BRCA2: variants seen among roughly 807,000 people sequenced by gnomAD.
BRCA2 encodes BRCA2 DNA repair associated.
In BRCA2, 203 loss-of-function variants were observed where a neutral mutation model predicts 276.7. That is an observed-to-expected ratio of 0.73 (90% confidence interval 0.65 to 0.82). The LOEUF (loss-of-function observed/expected upper bound fraction) is 0.82, where lower values mean the gene tolerates loss of function less well. Among genes scored for constraint, BRCA2 ranks in the 40% least tolerant of loss-of-function variants. The probability of loss-of-function intolerance (pLI) is 0.00; values close to 1 mark genes in which losing one functional copy is unlikely to be tolerated. For missense variants in BRCA2, 3,920 were observed against 3,915.0 expected (o/e 1.00, Z -0.03); for synonymous variants, 1,289 against 1,338.4 (o/e 0.96, Z 0.81).
At chr13:32,342,157 C>T (rs1390016310) in intron 11 of BRCA2, among the ~76,000 whole-genome samples, 2 of 151,496 alleles carry the variant, frequency 1.3e-5, no homozygotes, top group African/African-American at 4.9e-5. Context: ...CCTATAATCC[C>T]AACTACTCCA....
Position 32,376,180 on chromosome 13 carries a change from A to G in BRCA2, c.8633-490A>G, listed in dbSNP as rs1236250353. Among the ~76,000 whole-genome samples, 3 of 150,592 alleles carry G rather than the reference A, an allele frequency of 2.0e-5. No homozygotes were observed. In the South Asian group the frequency reaches 6.2e-4, roughly 31 times the overall value. On this transcript the variant is annotated intron_variant, in intron 20 of 26. Transcript: ENST00000380152. ...TATTACTGTAATTAAACTCTGTATG[A>G]CTTTTTTTTTTTTTAAACATGAGTA...
rs539049406 is a variant in BRCA2, at chr13:32,366,863, A to G, written c.8331+3330A>G. On this transcript the variant is annotated intron_variant, in intron 18 of 26. Transcript: ENST00000380152. ...ATGCTTATTGGTTTCATCTATCAAA[A>G]AGAACAAAAAAAAAAAAAAAAGGAA... Among the ~76,000 whole-genome samples the G allele has an allele frequency of 4.3e-3, 546 of 128,198 alleles. 2 individuals carry two copies. Among genetic ancestry groups the G allele is most frequent in the African/African-American group, 0.014 (530 of 36,610 alleles). The allele number at this position is 128,198 out of a possible 152,430, so 84.1% of individuals were successfully genotyped here.
At chr13:32,372,719 A>ACATTTCAAAACCAAT (rs1364244030) in intron 20 of BRCA2, among the ~76,000 whole-genome samples, 2 of 152,142 alleles carry the variant, frequency 1.3e-5, no homozygotes, top group Non-Finnish European at 2.9e-5. Context: ...TGTCCTTTTC[A>ACATTTCAAAACCAAT]CATTTCAAAA....
In BRCA2 at chr13:32,339,336, T is replaced by C. The variant is rs730881535; in HGVS notation, c.4981T>C (p.Tyr1661His). 1 of 1,592,550 alleles carries C rather than the reference T, an allele frequency of 6.3e-7. No homozygotes were observed. The highest frequency in any genetic ancestry group is 8.5e-7 in the Non-Finnish European group (1 of 1,171,196). ...AACTTGTTACACAAATCAGTCCCCTTATTCAGTCATTGAAAATTCAGCCTT... is the reference window on the plus strand; with the variant it reads ...AACTTGTTACACAAATCAGTCCCCTCATTCAGTCATTGAAAATTCAGCCTT... ...PATCYTNQSP[Y>H]SVIENSALAF... The change falls in exon 11 of 27, where the codon TAT (tyrosine) becomes CAT (histidine). Residue 1661 changes from tyrosine (Y) to histidine (H), a missense_variant. Tyr to His is a moderately conservative substitution (Grantham distance 83). This residue lies in a region of BRCA2 where 3,263 missense variants were observed against 3,156.9 expected (regional missense o/e 1.03). Transcript: ENST00000380152.
At chr13:32,325,999 C>A in intron 4 of BRCA2, 102 bp from the exon 5 acceptor site, 1 of 1,035,924 alleles carries the variant, frequency 9.7e-7, no homozygotes, top group Non-Finnish European at 1.4e-6. Flanking sequence ...AAGTAGTATT[C>A]CAACAATTTA....
At chr13:32,377,201 G>T (rs191837769) in intron 21 of BRCA2, among the ~76,000 whole-genome samples, 44 of 152,186 alleles carry the variant, frequency 2.9e-4, no homozygotes, top group Non-Finnish European at 5.1e-4. Flanking sequence ...CTACCCTAAG[G>T]GTACTTGGGT....
rs2072351882 is a variant in BRCA2 at position 32,326,645 on chromosome 13, G to T, written c.631+32G>T. The T allele has an allele frequency of 4.7e-6, 7 of 1,483,298 alleles. No homozygotes were observed. In the Middle Eastern group the frequency reaches 6.9e-4, roughly 147 times the overall value. The allele number at this position is 1,483,298 out of a possible 1,614,324, so 91.9% of individuals were successfully genotyped here. A position where few individuals can be genotyped will look rare whatever the true frequency, so the allele number is the denominator to read the frequency against. ...ATAGCAAATGTGTATTTACAAGAAA[G>T]AGCAGATGAGGTTGATAATTGTCAT... On this transcript the variant is annotated intron_variant, in intron 7 of 26. Transcript: ENST00000380152.
At chr13:32,377,297 CA>C (rs1197884594) in intron 21 of BRCA2, among the ~76,000 whole-genome samples, 3 of 152,008 alleles carry the variant, frequency 2.0e-5, no homozygotes, top group Non-Finnish European at 4.4e-5. Context: ...AAGTAAATGA[CA>C]ATAAAATAGC....
intron 18 of BRCA2, 42 bp from the exon 19 acceptor site, chr13:32,370,360 C>G (rs2072817951): frequency 6.4e-7 from 1 of 1,554,102 alleles, no homozygotes; most frequent in Non-Finnish European, 8.9e-7. Context: ...GAATTGAATA[C>G]ATATTTAACT....
chr13:32,363,577 G>A (rs2072762087), intron 18 of BRCA2, 44 bp downstream of exon 18: 1 of 1,538,314 alleles, frequency 6.5e-7, no homozygotes, highest in Admixed American at 1.7e-5. Flanking sequence ...CATTGATTCA[G>A]TTAAATTCTA....
chr13:32,360,121 G>A (rs551577387), intron 16 of BRCA2, among the ~76,000 whole-genome samples: 1 of 152,174 alleles, frequency 6.6e-6, no homozygotes, highest in Non-Finnish European at 1.5e-5. Context: ...TTTGATAAAT[G>A]ACCTAAAGTA....
At chr13:32,384,787 T>C in intron 24 of BRCA2, 1 of 267,094 alleles carries the variant, frequency 3.7e-6, no homozygotes, top group Non-Finnish European at 8.0e-6. Flanking sequence ...TTGGACCAGA[T>C]TGGGTTTCTA....
chr13:32,350,752 CAAAAA>C (rs544935490), intron 13 of BRCA2, among the ~76,000 whole-genome samples: 8 of 140,800 alleles, frequency 5.7e-5, no homozygotes, highest in Non-Finnish European at 1.2e-4. Context: ...GACTCCGTCT[CAAAAA>C]AAAAACAACA....
At chr13:32,350,461 C>T (rs2072640649) in intron 13 of BRCA2, among the ~76,000 whole-genome samples, 1 of 151,934 alleles carries the variant, frequency 6.6e-6, no homozygotes, top group African/African-American at 2.4e-5. Flanking sequence ...ATATACTACC[C>T]ATTAATGGCC....
intron 24 of BRCA2, among the ~76,000 whole-genome samples, chr13:32,382,481 C>T (rs929502234): frequency 6.6e-5 from 10 of 152,210 alleles, no homozygotes; most frequent in African/African-American, 2.2e-4. Flanking sequence ...AAAGAATTGT[C>T]GAGTAGTGAG....
intron 20 of BRCA2, among the ~76,000 whole-genome samples, chr13:32,375,082 C>CCATCAGATCT (rs2072862122): frequency 6.6e-6 from 1 of 152,180 alleles, no homozygotes. Context: ...CACTTTTAAG[C>CCATCAGATCT]CATCAGATCT....
intron 12 of BRCA2, among the ~76,000 whole-genome samples, chr13:32,345,014 G>C (rs370890261): frequency 3.7e-4 from 57 of 152,150 alleles, no homozygotes; most frequent in Non-Finnish European, 6.8e-4. Context: ...TGCCATTACC[G>C]ATCAGAAAAG....
At chr13:32,322,749 G>A (rs2072315065) in intron 3 of BRCA2, among the ~76,000 whole-genome samples, 1 of 152,210 alleles carries the variant, frequency 6.6e-6, no homozygotes, top group Non-Finnish European at 1.5e-5. Flanking sequence ...GTTCTTCCAT[G>A]TCTTTTAATG....
rs1555282154 is a variant in BRCA2 at position 32,333,383 on chromosome 13, T to A, written c.1905T>A (p.Asp635Glu). Residue 635 changes from aspartate (D) to glutamate (E), a missense_variant, in exon 10 of 27, where the codon GAT becomes GAA. By Grantham distance (45) the Asp-to-Glu change is conservative. Around this residue, in one of 2 missense-constraint regions of BRCA2, gnomAD observed 3,263 missense variants for 3,156.9 expected, o/e 1.03. Coordinates refer to ENST00000380152, the MANE Select transcript of BRCA2 (RefSeq NM_000059.4). ...CACCACTTACATTTGCAAATGCTGA[T>A]TCAGGTACCTCTGTCTTTTTTTTTT... The part of the protein sequence containing the change: ...FEAPLTFANA[D>E]SGLLHSSVKR... 3 of 1,610,194 alleles carry A rather than the reference T, an allele frequency of 1.9e-6. No homozygotes were observed. Among genetic ancestry groups the A allele is most frequent in the East Asian group, 4.5e-5 (2 of 44,860 alleles).
Sources: gnomAD v4.1 joint callset for allele counts (sites outside exome capture counted in the v4.1 genomes callset) on GRCh38, gnomAD v4.1.1 for gene constraint, gnomAD v4.1.1 regional missense constraint, MANE v1.5 for transcripts, NCBI Gene and HGNC (gene_info 2026-07-23, HGNC 2026-07-21) for gene names.